Variants in KCNMB2 observed in about 807,000 individuals in gnomAD.
KCNMB2 encodes the protein potassium calcium-activated channel subfamily M regulatory beta subunit 2.
Under a neutral mutation model 24.5 loss-of-function variants are expected in KCNMB2, and 9 were observed. The ratio of observed to expected loss-of-function variants is 0.37; its 90% CI spans 0.22 to 0.64. The LOEUF (loss-of-function observed/expected upper bound fraction) is 0.64, where lower values mean the gene tolerates loss of function less well. Ranked by LOEUF, KCNMB2 falls within the 30% of genes least tolerant of loss-of-function variation. The pLI is 0.63. For missense variants in KCNMB2, 226 were observed against 284.3 expected, an observed-to-expected ratio of 0.79 and a Z score of 1.47; for synonymous variants, 109 against 104.4, an observed-to-expected ratio of 1.04 and a Z score of -0.27.
chr3:178,825,498 C>T, intron 2 of KCNMB2, 90 bp from the exon 3 acceptor site: 1 of 1,125,602 alleles, frequency 8.9e-7, no homozygotes, highest in South Asian at 1.5e-5. Context: ...TTGGAGGGCC[C>T]TAGGAAGGCA....
intron 1 of KCNMB2, among the ~76,000 whole-genome samples, chr3:178,710,151 G>A (rs149328392): frequency 2.6e-5 from 4 of 152,192 alleles, no homozygotes; most frequent in African/African-American, 9.6e-5. Context: ...TATTAATTTA[G>A]TTAATATAAA....
intron 4 of KCNMB2, among the ~76,000 whole-genome samples, chr3:178,835,163 T>C (rs116072875): frequency 2.0e-5 from 3 of 151,610 alleles, no homozygotes; most frequent in African/African-American, 7.3e-5. Flanking sequence ...ATAATAGATA[T>C]GAGATCTGTG....
chr3:178,791,859 A>G (rs1713336265), intron 1 of KCNMB2, among the ~76,000 whole-genome samples: 1 of 152,026 alleles, frequency 6.6e-6, no homozygotes. Context: ...AGAAAAAAAA[A>G]AAAAAAAACT....
intron 1 of KCNMB2, among the ~76,000 whole-genome samples, chr3:178,767,398 G>T (rs544700964): frequency 2.0e-5 from 3 of 152,284 alleles, no homozygotes; most frequent in African/African-American, 7.2e-5. Context: ...TCAAATTCAT[G>T]ATTTGGGGCT....
chr3:178,570,307 A>T (rs115748139), intron 1 of KCNMB2, among the ~76,000 whole-genome samples: 4,619 of 152,126 alleles, frequency 0.03, 231 homozygotes, highest in African/African-American at 0.11. Context: ...ACATTTTTTT[A>T]AATCATTCAC....
chr3:178,541,918 C>T (rs115132037), intron 1 of KCNMB2, among the ~76,000 whole-genome samples: 5 of 152,302 alleles, frequency 3.3e-5, no homozygotes, highest in Admixed American at 6.5e-5. Context: ...CTGACTCATT[C>T]TGATTACCTG....
intron 1 of KCNMB2, among the ~76,000 whole-genome samples, chr3:178,586,645 A>T (rs1339245830): frequency 1.4e-5 from 2 of 140,202 alleles, no homozygotes; most frequent in Non-Finnish European, 3.0e-5. Context: ...CCCGGGTTCA[A>T]GTGATTCTCC....
At position 178,757,975 on chromosome 3, in the gene KCNMB2, A is replaced by T. The variant is rs1577156858; in HGVS notation, c.-67-49368A>T. Among the ~76,000 whole-genome samples, 3 of 72,030 alleles carry T rather than the reference A, an allele frequency of 4.2e-5. 1 individual carries two copies. The highest frequency in any genetic ancestry group is 2.7e-5 in the Non-Finnish European group (1 of 37,664). The allele number at this position is 72,030 out of a possible 152,430, so 47.3% of individuals were successfully genotyped here. A position where few individuals can be genotyped will look rare whatever the true frequency, so the allele number is the denominator to read the frequency against. On this transcript the variant is annotated intron_variant, in intron 1 of 4. Coordinates refer to ENST00000452583, the MANE Select transcript of KCNMB2 (RefSeq NM_181361.3). ...TAGACACAAGAGGATATATATATAG[A>T]CACAAGAGGATATATATATATATCT... is the stretch of plus-strand genomic sequence containing the variant.
At chr3:178,544,823 GCCAGAT>G in intron 1 of KCNMB2, among the ~76,000 whole-genome samples, 2 of 152,122 alleles carry the variant, frequency 1.3e-5, no homozygotes, top group Non-Finnish European at 2.9e-5. Context: ...CTAATTTTTA[GCCAGAT>G]AATTAGGTTG....
chr3:178,634,113 T>C (rs1425840266), intron 1 of KCNMB2, among the ~76,000 whole-genome samples: 1 of 152,226 alleles, frequency 6.6e-6, no homozygotes, highest in African/African-American at 2.4e-5. Flanking sequence ...CTTTCCCATG[T>C]CTTCCTGTCT....
chr3:178,565,718 C>G (rs1302601124), intron 1 of KCNMB2, among the ~76,000 whole-genome samples: 1 of 152,164 alleles, frequency 6.6e-6, no homozygotes, highest in Non-Finnish European at 1.5e-5. Context: ...GCATTTATAT[C>G]TCCAAATTTA....
intron 1 of KCNMB2, among the ~76,000 whole-genome samples, chr3:178,769,752 C>T (rs1712268014): frequency 6.6e-6 from 1 of 152,000 alleles, no homozygotes; most frequent in Non-Finnish European, 1.5e-5. Context: ...TGAAGAATAG[C>T]CAACAAATTT....
chr3:178,587,146 G>T (rs1482423770), intron 1 of KCNMB2, among the ~76,000 whole-genome samples: 1 of 151,652 alleles, frequency 6.6e-6, no homozygotes, highest in African/African-American at 2.4e-5. Flanking sequence ...CTCTCTGGGT[G>T]GTCTATTTAT....
intron 1 of KCNMB2, among the ~76,000 whole-genome samples, chr3:178,586,760 G>A (rs987933839): frequency 4.6e-5 from 7 of 151,882 alleles, no homozygotes; most frequent in Admixed American, 1.3e-4. Context: ...GGTCAGGCTC[G>A]TCTCGAACTC....
chr3:178,611,184 G>A (rs968105362), intron 1 of KCNMB2, among the ~76,000 whole-genome samples: 28 of 151,986 alleles, frequency 1.8e-4, no homozygotes, highest in Admixed American at 1.3e-3. Context: ...TTCATGTTTT[G>A]GTTCAATATT....
intron 1 of KCNMB2, among the ~76,000 whole-genome samples, chr3:178,661,095 G>A (rs570994615): frequency 2.1e-3 from 319 of 152,004 alleles, no homozygotes; most frequent in Non-Finnish European, 3.8e-3. Flanking sequence ...CCATCAACCC[G>A]TCATCTACAT....
chr3:178,720,551 G>A (rs9756461), intron 1 of KCNMB2, among the ~76,000 whole-genome samples: 1,555 of 117,356 alleles, frequency 0.013, 33 homozygotes, highest in African/African-American at 0.058. Flanking sequence ...CTGAGGAATC[G>A]CCACACTGAC....
At chr3:178,838,710 T>A (rs1715322212) in intron 4 of KCNMB2, among the ~76,000 whole-genome samples, 1 of 152,170 alleles carries the variant, frequency 6.6e-6, no homozygotes, top group Non-Finnish European at 1.5e-5. Context: ...TAAATTTTTC[T>A]GAAATTTCAG....
At chr3:178,620,414 T>C (rs1718866279) in intron 1 of KCNMB2, among the ~76,000 whole-genome samples, 1 of 152,298 alleles carries the variant, frequency 6.6e-6, no homozygotes, top group Non-Finnish European at 1.5e-5. Context: ...CAAAATGCCA[T>C]AGAATGAGAG....
Sources: gnomAD v4.1 joint callset for allele counts (sites outside exome capture counted in the v4.1 genomes callset) on GRCh38, gnomAD v4.1.1 for gene constraint, MANE v1.5 for transcripts, NCBI Gene and HGNC (gene_info 2026-07-23, HGNC 2026-07-21) for gene names.